Variants in UBA7 observed in about 807,000 individuals in gnomAD.
UBA7 encodes the protein ubiquitin-like modifier-activating enzyme 7.
Under a neutral mutation model 113.0 loss-of-function variants are expected in UBA7, and 88 were observed. The ratio of observed to expected loss-of-function variants is 0.78; its 90% confidence interval spans 0.66 to 0.93. The LOEUF (loss-of-function observed/expected upper bound fraction) is 0.93, where lower values mean the gene tolerates loss of function less well. Ranked by LOEUF, UBA7 falls within the 40% of genes least tolerant of loss-of-function variation. The probability of loss-of-function intolerance (pLI) is 0.00; values close to 1 mark genes in which losing one functional copy is unlikely to be tolerated. For missense variants in UBA7, 1,092 were observed against 1,266.4 expected (o/e 0.86, Z 2.09); for synonymous variants, 459 against 513.0 (o/e 0.89, Z 1.42).
rs201452835 is a variant in UBA7, at chr3:49,807,539, G to A, written c.2715+197C>T. Among the ~76,000 whole-genome samples, 27 of 152,308 alleles carry A rather than the reference G, an allele frequency of 1.8e-4. No homozygotes were observed. The East Asian group carries it at 5.2e-3, about 29-fold the overall frequency. On this transcript the variant is annotated intron_variant, in intron 21 of 23. Transcript: ENST00000333486. The surrounding 1 kb of genome is among the most constrained non-coding windows in gnomAD (Gnocchi z 4.0). The stretch of plus-strand genomic sequence containing the variant: ...CTGGGCTTTGGAGGATTGGGGGTGG[G>A]GATGGCTGACGGCTGCTTCCTGTGT...
Position 49,810,250 on chromosome 3 carries a change from GT to G in UBA7, c.1633+12del. ...TGTGGGCAAGGGACTGACCTCCGAA[GT>G]CAAGCACTCACGGGCCTGGAAACTG... On this transcript the variant is annotated intron_variant, in intron 13 of 23. Transcript: ENST00000333486. This position sits in a 1 kb window ranked among gnomAD's most constrained non-coding sequence, Gnocchi z 5.6. 1 of 1,613,702 alleles carries G rather than the reference GT, an allele frequency of 6.2e-7. No homozygotes were observed. The highest frequency in any genetic ancestry group is 8.5e-7 in the Non-Finnish European group (1 of 1,179,864).
chr3:49,813,118 G>T lies in UBA7; in HGVS notation c.411C>A (p.Thr137=), dbSNP rs772080855. 11 of 1,614,154 alleles carry T rather than the reference G, an allele frequency of 6.8e-6. No individual in the cohort carries two copies. The South Asian group carries it at 1.2e-4, about 18-fold the overall frequency. The part of the protein sequence containing the change: ...AKLEEQLKVG[T]LCHKHGVCFL... ...AGCAAACTCCATGCTTATGACACAA[G>T]GTGCCCACCTTCAGCTGCTCCTCCA... Residue 137 remains threonine, a synonymous_variant, in exon 4 of 24, where the codon ACC becomes ACA. Coordinates refer to ENST00000333486, the MANE Select transcript of UBA7 (RefSeq NM_003335.3).
chr3:49,812,369 T>G, intron 6 of UBA7, 39 bp downstream of exon 6: 7 of 1,613,438 alleles, frequency 4.3e-6, no homozygotes, highest in Non-Finnish European at 5.9e-6. Context: ...CAGTGGAGGC[T>G]TGGGCCCTGC....
Position 49,811,681 on chromosome 3 carries a change from T to G in UBA7, c.939+189A>C, listed in dbSNP as rs542389406. 20 of 1,150,194 alleles carry G rather than the reference T, an allele frequency of 1.7e-5. 1 individual carries two copies. The highest frequency in any genetic ancestry group is 6.0e-4 in the Middle Eastern group (2 of 3,330). The allele number at this position is 1,150,194 out of a possible 1,614,324, so 71.2% of individuals were successfully genotyped here. A position where few individuals can be genotyped will look rare whatever the true frequency, so the allele number is the denominator to read the frequency against. On this transcript the variant is annotated intron_variant, in intron 8 of 23. Transcript: ENST00000333486. ...ATCTGAGTGCAGCTTCCAGCACAGATCTGAGGGGTCGGGGTGTAGCAGGAG... is the reference window on the plus strand; with the variant it reads ...ATCTGAGTGCAGCTTCCAGCACAGAGCTGAGGGGTCGGGGTGTAGCAGGAG...
At chr3:49,811,158 G>T in intron 9 of UBA7, 67 bp from the exon 10 acceptor site, 1 of 1,599,142 alleles carries the variant, frequency 6.3e-7, no homozygotes, top group Non-Finnish European at 8.6e-7. Context: ...CTGGCTGGAG[G>T]CTTCACCCAG....
At position 49,811,395 on chromosome 3, in the gene UBA7, C is replaced by T; in HGVS notation, c.1000G>A (p.Glu334Lys). 1 of 1,612,258 alleles carries T rather than the reference C, an allele frequency of 6.2e-7. No homozygotes were observed. Among genetic ancestry groups the T allele is most frequent in the Non-Finnish European group, 8.5e-7 (1 of 1,179,256 alleles). Residue 334 changes from glutamate (E) to lysine (K), a missense_variant, in exon 9 of 24, where the codon GAA (glutamate) becomes AAA (lysine). Transcript: ENST00000333486. ...TCCAGTGGCTCTTCCAGTGGCTCTT[C>T]CTCTGTCCGCTTCAGTGGTTCCAGG... ...RDLEPLKRTE[E>K]EPLEEPLDEA...
chr3:49,812,979 A>G, intron 4 of UBA7, 83 bp downstream of exon 4: 7 of 1,492,580 alleles, frequency 4.7e-6, no homozygotes, highest in Non-Finnish European at 6.4e-6. Flanking sequence ...TTGGAGGGGC[A>G]CTGGAGCAAG....
At chr3:49,813,441 C>T in intron 2 of UBA7, 38 bp downstream of exon 2, 2 of 1,609,076 alleles carry the variant, frequency 1.2e-6, no homozygotes, top group South Asian at 2.2e-5. Context: ...CGTGCCCCCA[C>T]CTTGGTCTGG....
In UBA7 at chr3:49,812,550, A is replaced by G; in HGVS notation, c.559-7T>C. 6.2e-7 allele frequency: 1 copy of G among 1,614,084 alleles called. No individual in the cohort carries two copies. The highest frequency in any genetic ancestry group is 8.5e-7 in the Non-Finnish European group (1 of 1,179,998). ...TGAGAATGCCAGGGGAGCCCTGGGT[A>G]GGAGGAGGCTTGGCTCAGGGTTGCC... On this transcript the variant is annotated splice_region_variant and splice_polypyrimidine_tract_variant and intron_variant, in intron 5 of 23. Coordinates refer to ENST00000333486, the MANE Select transcript of UBA7 (RefSeq NM_003335.3).
chr3:49,812,929 C>T, intron 4 of UBA7, 133 bp downstream of exon 4: 1 of 1,217,190 alleles, frequency 8.2e-7, no homozygotes, highest in Non-Finnish European at 1.2e-6. Flanking sequence ...GGACTGGGGA[C>T]CAGAATCAGA....
In UBA7 at chr3:49,810,724, G is replaced by A; in HGVS notation, c.1311+28C>T. On this transcript the variant is annotated intron_variant, in intron 11 of 23. Transcript: ENST00000333486. This position sits in a 1 kb window ranked among gnomAD's most constrained non-coding sequence, Gnocchi z 5.6. ...AGGGGCTGGGCTGGCTCTCCCAAAG[G>A]CACCCCCAGTCTCACCCCACAGCTC... 1 of 1,614,056 alleles carries A rather than the reference G, an allele frequency of 6.2e-7. No homozygotes were observed. The highest frequency in any genetic ancestry group is 8.5e-7 in the Non-Finnish European group (1 of 1,179,968).
intron 21 of UBA7, 153 bp from the exon 22 acceptor site, chr3:49,806,318 G>A (rs1410762790): frequency 4.5e-6 from 3 of 666,216 alleles, no homozygotes; most frequent in African/African-American, 3.6e-5. Context: ...TGGGCCCAGA[G>A]TCTCAGCCCC....
rs781686643 is a variant in UBA7 at position 49,809,141 on chromosome 3, C to T, written c.2182G>A (p.Val728Ile). The T allele has an allele frequency of 9.9e-6, 16 of 1,612,276 alleles. No individual in the cohort carries two copies. Among genetic ancestry groups the T allele is most frequent in the East Asian group, 4.5e-5 (2 of 44,834 alleles). The change falls in exon 18 of 24, where the codon GTA becomes ATA. Residue 728 changes from valine to isoleucine, a missense_variant. Coordinates refer to ENST00000333486, the MANE Select transcript of UBA7 (RefSeq NM_003335.3). ...DTNQDTHLLY[V>I]LAAANLYAQM... ...GCATACAGGTTGGCAGCTGCCAGTACGTAGAGGAGGTGTGTGTCCTGCAGC... is the reference window on the plus strand; with the variant it reads ...GCATACAGGTTGGCAGCTGCCAGTATGTAGAGGAGGTGTGTGTCCTGCAGC...
chr3:49,812,379 C>A, intron 6 of UBA7, 29 bp downstream of exon 6: 1 of 1,613,516 alleles, frequency 6.2e-7, no homozygotes, highest in Non-Finnish European at 8.5e-7. Context: ...TTGGGCCCTG[C>A]ACCTGGAATT....
In UBA7 at chr3:49,808,035, C is replaced by G; in HGVS notation, c.2508G>C (p.Pro836=). The part of the protein sequence containing the change: ...SLRCQNYGIP[P]VNRAQSKRIV... ...GTGGGGTTACCTGGGCACGGTTGAC[C>G]GGTGGAATCCCGTAGTTCTGACATC... The change falls in exon 20 of 24, where the codon CCG becomes CCC. Residue 836 remains proline (P), a synonymous_variant. Transcript: ENST00000333486. 1 of 1,614,120 alleles carries G rather than the reference C, an allele frequency of 6.2e-7. No homozygotes were observed. The highest frequency in any genetic ancestry group is 8.5e-7 in the Non-Finnish European group (1 of 1,180,002).
At chr3:49,806,219 TC>T in intron 21 of UBA7, 54 bp from the exon 22 acceptor site, 1 of 1,373,408 alleles carries the variant, frequency 7.3e-7, no homozygotes, top group Non-Finnish European at 9.9e-7. Context: ...CCAACCCCCA[TC>T]CCAGTTACCA....
Position 49,809,611 on chromosome 3 carries a change from A to T in UBA7, c.2019T>A (p.Ala673=). The T allele has an allele frequency of 6.2e-7, 1 of 1,614,106 alleles. No homozygotes were observed. Among genetic ancestry groups the T allele is most frequent in the Non-Finnish European group, 8.5e-7 (1 of 1,180,024 alleles). Residue 673 remains alanine, a synonymous_variant, in exon 16 of 24, where the codon GCT becomes GCA. Transcript: ENST00000333486. ...GAAAGCAGAGTTTCCAGTGGCCAAG[A>T]GCCCACGCCACACAGTCTTGCCAGT... The part of the protein sequence containing the change: ...PQNWQDCVAW[A]LGHWKLCFHY...
At chr3:49,808,289 G>C (rs2081488173) in intron 19 of UBA7, 97 bp downstream of exon 19, 3 of 1,550,304 alleles carry the variant, frequency 1.9e-6, no homozygotes, top group Non-Finnish European at 2.7e-6. Flanking sequence ...CTTGCTGGGA[G>C]AATTCAGGCC....
intron 4 of UBA7, 46 bp downstream of exon 4, chr3:49,813,016 A>G: frequency 6.3e-7 from 1 of 1,591,032 alleles, no homozygotes; most frequent in East Asian, 2.2e-5. Context: ...GCATGAGGCC[A>G]GTTGCTGGCT....
Sources: gnomAD v4.1 joint callset for allele counts (sites outside exome capture counted in the v4.1 genomes callset) on GRCh38, gnomAD v4.1.1 for gene constraint, Gnocchi (gnomAD v3.1) non-coding constraint, MANE v1.5 for transcripts, NCBI Gene and HGNC (gene_info 2026-07-23, HGNC 2026-07-21) for gene names.